The following DMD variants were observed in gnomAD, a reference collection of about 807,000 sequenced individuals.
The protein encoded by DMD is dystrophin.
Under a neutral mutation model 330.1 loss-of-function variants are expected in DMD, and 63 were observed. The observed-to-expected ratio is 0.19, with a 90% CI of 0.16 to 0.24. The LOEUF (loss-of-function observed/expected upper bound fraction) is 0.24, where lower values mean the gene tolerates loss of function less well. Ranked by LOEUF, DMD falls within the 10% of genes least tolerant of loss-of-function variation. The pLI is 1.00. For missense variants in DMD, 3,344 were observed against 2,684.1 expected (o/e 1.25, Z -5.43); for synonymous variants, 1,223 against 959.8 (o/e 1.27, Z -5.07).
chrX:32,715,313 C>T (rs2065585645), intron 7 of DMD, among the ~76,000 whole-genome samples: 1 of 108,868 alleles, frequency 9.2e-6, no homozygotes, highest in Non-Finnish European at 1.9e-5. Context: ...CCAATCACTA[C>T]TAAAAATTCA....
chrX:33,307,563 T>A (rs1275571827), intron 1 of DMD, among the ~76,000 whole-genome samples: 1 of 111,513 alleles, frequency 9.0e-6, no homozygotes, highest in Non-Finnish European at 1.9e-5. Context: ...TGTCGTGGCA[T>A]ACGCCTGTAG....
At chrX:33,235,701 C>G (rs751481787) in intron 1 of DMD, among the ~76,000 whole-genome samples, 29 of 109,999 alleles carry the variant, frequency 2.6e-4, no homozygotes, top group African/African-American at 9.2e-4. Context: ...CAAGGTCACA[C>G]AGCTAGTCAA....
intron 44 of DMD, among the ~76,000 whole-genome samples, chrX:32,120,990 G>A (rs987822056): frequency 1.2e-4 from 13 of 112,070 alleles, no homozygotes; most frequent in African/African-American, 4.2e-4. Flanking sequence ...TATTAGTATT[G>A]GAGTTTGAAG....
intron 62 of DMD, among the ~76,000 whole-genome samples, chrX:31,277,267 A>C (rs758051662): frequency 9.0e-6 from 1 of 111,249 alleles, no homozygotes; most frequent in African/African-American, 3.3e-5. Context: ...TGTACAATAG[A>C]GCTCTTGAAC....
intron 7 of DMD, among the ~76,000 whole-genome samples, 190 bp downstream of exon 7, chrX:32,809,303 A>T (rs1006706185): frequency 8.9e-6 from 1 of 111,979 alleles, no homozygotes; most frequent in Non-Finnish European, 1.9e-5. Flanking sequence ...AGATACTGGT[A>T]TTTTGAGAAC....
At chrX:33,163,980 C>A (rs981049056) in intron 1 of DMD, among the ~76,000 whole-genome samples, 3 of 111,134 alleles carry the variant, frequency 2.7e-5, no homozygotes, top group African/African-American at 9.8e-5. Flanking sequence ...ATGCTCCCCC[C>A]ACCCTACTGC....
At chrX:32,034,640 C>G (rs143051253) in intron 44 of DMD, among the ~76,000 whole-genome samples, 4,038 of 111,189 alleles carry the variant, frequency 0.036, 69 homozygotes, top group Non-Finnish European at 0.059. Context: ...ATACTAAGAT[C>G]TAATACAGTT....
rs919123304 is a variant in DMD at position 32,315,588 on chromosome X, C to T, written c.5923-5312G>A. 5.4e-5 allele frequency among the ~76,000 whole-genome samples: 6 copies of T among 110,427 alleles called. No homozygotes were observed. The East Asian group carries it at 1.1e-3, about 21-fold the overall frequency. ...TAGATTCACTTAGAAAATAATAATT[C>T]GTGCTCTCAGACCAGAATTCTGTGT... is the stretch of plus-strand genomic sequence containing the variant. On this transcript the variant is annotated intron_variant, in intron 41 of 78. Coordinates refer to ENST00000357033, the MANE Select transcript of DMD (RefSeq NM_004006.3).
In DMD at chrX:31,776,071, C is replaced by T. The variant is rs7892540; in HGVS notation, c.7310-1879G>A. Among the ~76,000 whole-genome samples, 687 of 111,857 alleles carry T rather than the reference C, an allele frequency of 6.1e-3. 4 individuals carry two copies. Among genetic ancestry groups the T allele is most frequent in the African/African-American group, 0.021 (648 of 30,800 alleles). On this transcript the variant is annotated intron_variant, in intron 50 of 78. Coordinates refer to ENST00000357033, the MANE Select transcript of DMD (RefSeq NM_004006.3). ...AAAGAAGAAATAGCATTTTGTGTCACAGTCCAGGAGAAGAAATCATGGAAG... is the reference window on the plus strand; with the variant it reads ...AAAGAAGAAATAGCATTTTGTGTCATAGTCCAGGAGAAGAAATCATGGAAG...
chrX:31,414,102 C>A (rs1474543802), intron 60 of DMD, among the ~76,000 whole-genome samples: 1 of 111,464 alleles, frequency 9.0e-6, no homozygotes, highest in Non-Finnish European at 1.9e-5. Flanking sequence ...CAACCTTAGC[C>A]CCCTGGGTTC....
chrX:31,156,788 A>G (rs2038179595), intron 74 of DMD, among the ~76,000 whole-genome samples: 3 of 112,024 alleles, frequency 2.7e-5, no homozygotes, highest in African/African-American at 9.7e-5. Context: ...AAAGCACTTA[A>G]TTATCTGAAA....
chrX:33,262,984 C>A (rs2052983994), intron 1 of DMD, among the ~76,000 whole-genome samples: 1 of 110,166 alleles, frequency 9.1e-6, no homozygotes, highest in African/African-American at 3.3e-5. Context: ...GATATAATTT[C>A]ATACTCATCA....
At chrX:32,480,824 G>A (rs1380298778) in intron 21 of DMD, among the ~76,000 whole-genome samples, 1 of 110,552 alleles carries the variant, frequency 9.0e-6, no homozygotes, top group African/African-American at 3.3e-5. Context: ...GCTTGCTCTT[G>A]ATGGTATTGA....
intron 7 of DMD, among the ~76,000 whole-genome samples, chrX:32,769,328 C>G (rs1392675827): frequency 9.0e-6 from 1 of 111,261 alleles, no homozygotes; most frequent in Non-Finnish European, 1.9e-5. Context: ...CCTTATGAAG[C>G]CATCAGATCT....
At chrX:31,763,683 T>C (rs1441585551) in intron 51 of DMD, among the ~76,000 whole-genome samples, 1 of 112,241 alleles carries the variant, frequency 8.9e-6, no homozygotes, top group Non-Finnish European at 1.9e-5. Context: ...AGCTGTGACA[T>C]ACCAGTCAAC....
intron 34 of DMD, among the ~76,000 whole-genome samples, chrX:32,375,502 T>C (rs1473846567): frequency 8.9e-6 from 1 of 112,281 alleles, no homozygotes; most frequent in Non-Finnish European, 1.9e-5. Context: ...CATTTGCTTT[T>C]GTATGTTTTC....
At chrX:31,573,389 T>G (rs2147964972) in intron 55 of DMD, among the ~76,000 whole-genome samples, 1 of 111,929 alleles carries the variant, frequency 8.9e-6, no homozygotes, top group South Asian at 3.7e-4. Context: ...ACTAATACTT[T>G]AACATATTGT....
intron 17 of DMD, among the ~76,000 whole-genome samples, chrX:32,528,129 C>T (rs2047093110): frequency 9.0e-6 from 1 of 111,127 alleles, no homozygotes; most frequent in Non-Finnish European, 1.9e-5. Flanking sequence ...GCCACCATGA[C>T]GAAACCCCGT....
intron 47 of DMD, among the ~76,000 whole-genome samples, chrX:31,917,309 T>C (rs1212297934): frequency 8.9e-6 from 1 of 112,212 alleles, no homozygotes; most frequent in Non-Finnish European, 1.9e-5. Context: ...AATCTTACCA[T>C]AGGCTAATTG....
Sources: allele counts gnomAD v4.1 joint callset (sites outside exome capture counted in the v4.1 genomes callset), GRCh38; gene constraint gnomAD v4.1.1; transcripts MANE v1.5; gene names NCBI Gene and HGNC (gene_info 2026-07-23, HGNC 2026-07-21).